The following INPP5K variants were observed in gnomAD, a reference collection of about 807,000 sequenced individuals.
The protein encoded by INPP5K is inositol polyphosphate 5-phosphatase K.
Under a neutral mutation model 53.5 loss-of-function variants are expected in INPP5K, and 35 were observed. That is an observed-to-expected ratio of 0.65 (90% CI 0.50 to 0.87). The LOEUF is 0.87. Among genes scored for constraint, INPP5K ranks in the 40% least tolerant of loss-of-function variants. The pLI, the probability that INPP5K is intolerant of heterozygous loss-of-function variation, is 0.00. For missense variants in INPP5K, 550 were observed against 586.2 expected (o/e 0.94, Z 0.64); for synonymous variants, 253 against 232.8 (o/e 1.09, Z -0.79).
chr17:1,515,991 A>G lies in INPP5K; in HGVS notation c.44+465T>C, dbSNP rs141405761. ...CGTGACTTAGACTAAGTGGGCGATT[A>G]GCGTTGTTCCCCGTGAAAGAGCAGG... On this transcript the variant is annotated intron_variant, in intron 1 of 11. Transcript: ENST00000421807. 275 of 995,800 alleles carry G rather than the reference A, an allele frequency of 2.8e-4. No homozygotes were observed. The African/African-American group carries it at 4.5e-3, about 16-fold the overall frequency. The allele number at this position is 995,800 out of a possible 1,614,324, so 61.7% of individuals were successfully genotyped here.
intron 3 of INPP5K, 50 bp downstream of exon 3, chr17:1,513,403 G>C (rs2075352832): frequency 2.2e-6 from 3 of 1,354,912 alleles, no homozygotes; most frequent in Non-Finnish European, 1.1e-6. Flanking sequence ...GCAGGGGTCA[G>C]TGGAGATGTG....
chr17:1,496,664 A>G lies in INPP5K; in HGVS notation c.1101+2T>C. On this transcript the variant is annotated splice_donor_variant, in intron 9 of 11. Transcript: ENST00000421807. LOFTEE classifies it high-confidence loss of function. ...GGACTTCCTGCCTTGCCACCACATC[A>G]CCTTGTACAGTCCAATCCAGTCCCA... 6.2e-7 allele frequency: 1 copy of G among 1,614,128 alleles called. No individual in the cohort carries two copies. Among genetic ancestry groups the G allele is most frequent in the Non-Finnish European group, 8.5e-7 (1 of 1,180,006 alleles).
rs749675586 is a variant in INPP5K, at chr17:1,513,592, T to C, written c.153-31A>G. The C allele has an allele frequency of 1.2e-5, 19 of 1,577,396 alleles. No homozygotes were observed. The African/African-American group carries it at 2.2e-4, about 18-fold the overall frequency. ...CATGCCAGCTCAGAGGCTTGGCCCC[T>C]GGCCTCCAGGCTACTTCCCCTGCCA... On this transcript the variant is annotated intron_variant, in intron 2 of 11. Coordinates refer to ENST00000421807, the MANE Select transcript of INPP5K (RefSeq NM_016532.4).
chr17:1,515,468 G>C, intron 1 of INPP5K: 1 of 985,564 alleles, frequency 1.0e-6, no homozygotes, highest in Non-Finnish European at 1.2e-6. Context: ...AGCTCTTCAA[G>C]AAGCCTCAGA....
chr17:1,507,000 G>C lies in INPP5K; in HGVS notation c.756C>G (p.Asn252Lys). 1 of 1,613,720 alleles carries C rather than the reference G, an allele frequency of 6.2e-7. No individual in the cohort carries two copies. The highest frequency in any genetic ancestry group is 1.3e-5 in the African/African-American group (1 of 75,032). The change falls in exon 7 of 12, where the codon AAC becomes AAG. Residue 252 changes from asparagine (N) to lysine (K), a missense_variant. Physicochemically the swap from Asn to Lys is moderately conservative, Grantham distance 94. Transcript: ENST00000421807. ...LFPPTYKFDR[N>K]SNDYDTSEKK... is the part of the protein sequence containing the mutation. ...CTCACCTGGTGTCATAGTCGTTGGA[G>C]TTCCTATCAAACTTGTAGGTGGGCG... is the stretch of plus-strand genomic sequence containing the variant.
Position 1,495,752 on chromosome 17 carries a change from A to G in INPP5K, c.*71T>C. The G allele has an allele frequency of 1.7e-6, 2 of 1,151,692 alleles. No individual in the cohort carries two copies. The highest frequency in any genetic ancestry group is 1.3e-6 in the Non-Finnish European group (1 of 776,228). 71.3% of individuals were successfully genotyped at this position (1,151,692 alleles called of 1,614,324 possible). ...CAGGGGGCCAGGCTGGGCCCCCAGC[A>G]CTCCCGGCAGTGGAAAGGCAGAGCT... On this transcript the variant is annotated 3_prime_UTR_variant, in exon 12 of 12. Transcript: ENST00000421807.
intron 3 of INPP5K, 69 bp from the exon 4 acceptor site, chr17:1,509,868 G>A (rs569513213): frequency 2.1e-5 from 19 of 913,808 alleles, no homozygotes; most frequent in Middle Eastern, 2.3e-4. Context: ...TCCAAGCTCC[G>A]TGCTAGGGAC....
chr17:1,514,130 C>G, intron 1 of INPP5K, 151 bp from the exon 2 acceptor site: 3 of 469,466 alleles, frequency 6.4e-6, no homozygotes, highest in Non-Finnish European at 1.2e-5. Flanking sequence ...CGAGACAAGC[C>G]TGGCCAACAT....
At position 1,507,063 on chromosome 17, in the gene INPP5K, C is replaced by T. The variant is rs151311702; in HGVS notation, c.693G>A (p.Pro231=). The change falls in exon 7 of 12, where the codon CCG becomes CCA. Residue 231 remains proline (P), a synonymous_variant. Transcript: ENST00000421807. ...DQLSIAKKHD[P]LLREFQEGRL... ...GGCCCTCCTGGAACTCCCGGAGCAG[C>T]GGGTCATGTTTCTTGGCAATGCTGA... is the stretch of plus-strand genomic sequence containing the variant. The T allele has an allele frequency of 6.4e-4, 1,040 of 1,613,966 alleles. 5 individuals are homozygous for T. Among genetic ancestry groups the T allele is most frequent in the South Asian group, 1.5e-3 (140 of 91,064 alleles).
rs1400632066 is a variant in INPP5K, at chr17:1,496,409, G to A, written c.1102-7C>T. On this transcript the variant is annotated splice_polypyrimidine_tract_variant and splice_region_variant and intron_variant, in intron 9 of 11. Coordinates refer to ENST00000421807, the MANE Select transcript of INPP5K (RefSeq NM_016532.4). ...TAACGTCCCGCAGCCCCACCTGTGA[G>A]GGGGAGTCAGGCCATCAGTGGTCAG... 4 of 1,555,830 alleles carry A rather than the reference G, an allele frequency of 2.6e-6. No homozygotes were observed. Among genetic ancestry groups the A allele is most frequent in the Non-Finnish European group, 3.5e-6 (4 of 1,149,164 alleles).
chr17:1,516,380 G>C, intron 1 of INPP5K, 76 bp downstream of exon 1: 3 of 1,450,266 alleles, frequency 2.1e-6, no homozygotes, highest in East Asian at 2.6e-5. Context: ...CTGGTGCCTT[G>C]TCCACCCCCA....
rs145248842 is a variant in INPP5K, at chr17:1,508,181, A to G, written c.600T>C (p.Phe200=). 1.8e-4 allele frequency: 289 copies of G among 1,614,094 alleles called. No individual in the cohort carries two copies. The African/African-American group carries it at 3.4e-3, about 19-fold the overall frequency. The change falls in exon 6 of 12, where the codon TTT becomes TTC. Residue 200 remains phenylalanine (F), a synonymous_variant. Transcript: ENST00000421807. The part of the protein sequence containing the change: ...FGDMNFRIED[F]GLHFVRESIK... ...TGGATTCCCGAACAAAGTGCAACCC[A>G]AAGTCCTCGATCCGAAAGTTCATGT...
chr17:1,500,907 C>T (rs181781634), intron 7 of INPP5K, among the ~76,000 whole-genome samples: 21 of 151,970 alleles, frequency 1.4e-4, no homozygotes, highest in Non-Finnish European at 2.2e-4. Context: ...TTTACAGCTC[C>T]ATATACTCGC....
chr17:1,510,950 A>T (rs905750472), intron 3 of INPP5K, among the ~76,000 whole-genome samples: 14 of 152,118 alleles, frequency 9.2e-5, no homozygotes, highest in Admixed American at 7.9e-4. Context: ...GATGTGGCTG[A>T]TGGTAACATG....
At chr17:1,513,380 T>G in intron 3 of INPP5K, 73 bp downstream of exon 3, 2 of 1,135,768 alleles carry the variant, frequency 1.8e-6, no homozygotes, top group South Asian at 2.5e-5. Flanking sequence ...GAGGAACACA[T>G]CAGACCCAAC....
At chr17:1,500,616 T>C (rs113881527) in intron 7 of INPP5K, among the ~76,000 whole-genome samples, 7,335 of 151,936 alleles carry the variant, frequency 0.048, 229 homozygotes, top group Non-Finnish European at 0.073. Flanking sequence ...CTGCTCGCCT[T>C]GGCCTCCCAA....
At chr17:1,505,595 A>C (rs2075135105) in intron 7 of INPP5K, among the ~76,000 whole-genome samples, 1 of 151,756 alleles carries the variant, frequency 6.6e-6, no homozygotes, top group African/African-American at 2.4e-5. Context: ...TCACGACCCT[A>C]CCCTGTCTTG....
In INPP5K at chr17:1,508,737, G is replaced by C. The variant is rs982269067; in HGVS notation, c.554+441C>G. On this transcript the variant is annotated intron_variant, in intron 5 of 11. Coordinates refer to ENST00000421807, the MANE Select transcript of INPP5K (RefSeq NM_016532.4). ...GAGGATGCTGGCTTGGGTTAGCGTG[G>C]GGCAGAGGGCGGGGAACAGTCTGCA... 9.7e-5 allele frequency among the ~76,000 whole-genome samples: 14 copies of C among 145,022 alleles called. No individual in the cohort carries two copies. The East Asian group carries it at 2.9e-3, about 30-fold the overall frequency.
intron 7 of INPP5K, among the ~76,000 whole-genome samples, chr17:1,504,752 A>G (rs1457748217): frequency 6.6e-6 from 1 of 152,248 alleles, no homozygotes; most frequent in Non-Finnish European, 1.5e-5. Flanking sequence ...CTGCACGCCA[A>G]TCACAATGAG....
Sources: allele counts gnomAD v4.1 joint callset (sites outside exome capture counted in the v4.1 genomes callset), GRCh38; gene constraint gnomAD v4.1.1; transcripts MANE v1.5; gene names NCBI Gene and HGNC (gene_info 2026-07-23, HGNC 2026-07-21).